Variants in ELP3 observed in about 807,000 individuals in gnomAD.
The protein encoded by ELP3 is elongator acetyltransferase complex subunit 3, also known as elongator complex protein 3.
In ELP3, 56 loss-of-function variants were observed where a neutral mutation model predicts 74.9. The observed-to-expected ratio is 0.75, with a 90% CI of 0.60 to 0.93. The LOEUF is 0.93. Ranked by LOEUF, ELP3 falls within the 40% of genes least tolerant of loss-of-function variation. ELP3 has a pLI of 0.00. For missense variants in ELP3, 573 were observed against 686.5 expected (o/e 0.83, Z 1.85); for synonymous variants, 222 against 239.8 (o/e 0.93, Z 0.68).
At chr8:28,106,645 A>T in intron 3 of ELP3, 68 bp from the exon 4 acceptor site, 1 of 1,351,328 alleles carries the variant, frequency 7.4e-7, no homozygotes, top group Non-Finnish European at 1.0e-6. Flanking sequence ...CTTCCGAGGG[A>T]TAAGCACTCT....
chr8:28,105,688 T>A (rs535625262), intron 3 of ELP3, among the ~76,000 whole-genome samples: 1 of 152,248 alleles, frequency 6.6e-6, no homozygotes. Context: ...AACACTCTGA[T>A]TGGCCACAAT....
chr8:28,115,133 G>A (rs889783668), intron 7 of ELP3, among the ~76,000 whole-genome samples: 3 of 152,128 alleles, frequency 2.0e-5, no homozygotes, highest in African/African-American at 4.8e-5. Context: ...ATCTCAGAGG[G>A]AGAAAATCAA....
chr8:28,141,348 T>G (rs1813230101), intron 10 of ELP3, among the ~76,000 whole-genome samples: 1 of 152,138 alleles, frequency 6.6e-6, no homozygotes, highest in Admixed American at 6.5e-5. Context: ...AAAACAAAAT[T>G]GAGAAACATT....
chr8:28,107,019 C>T (rs1255933832), intron 4 of ELP3, among the ~76,000 whole-genome samples: 1 of 152,186 alleles, frequency 6.6e-6, no homozygotes, highest in East Asian at 1.9e-4. Context: ...GAGGCTGAGG[C>T]AGGTGGATCA....
At chr8:28,164,616 G>A (rs952464589) in intron 14 of ELP3, among the ~76,000 whole-genome samples, 5 of 151,992 alleles carry the variant, frequency 3.3e-5, no homozygotes, top group East Asian at 1.9e-4. Flanking sequence ...AACTACGTAC[G>A]CCTGGACTTT....
rs1814594885 is a variant in ELP3, at chr8:28,173,045, TGAG to T, written c.1567+10971_1567+10973del. 2.0e-5 allele frequency among the ~76,000 whole-genome samples: 3 copies of T among 152,198 alleles called. 1 individual carries two copies. The South Asian group carries it at 6.2e-4, about 32-fold the overall frequency. Reference sequence around the variant, plus strand: ...TAAATTCAGTTTGCTGGTATTTTGTTGAGGAGTTTGGCGTCTGTATTCTTAAGG... The same window carrying T: ...TAAATTCAGTTTGCTGGTATTTTGTTGAGTTTGGCGTCTGTATTCTTAAGG... On this transcript the variant is annotated intron_variant, in intron 14 of 14. Coordinates refer to ENST00000256398, the MANE Select transcript of ELP3 (RefSeq NM_018091.6).
At chr8:28,110,166 G>A (rs1811856807) in intron 5 of ELP3, among the ~76,000 whole-genome samples, 1 of 152,186 alleles carries the variant, frequency 6.6e-6, no homozygotes, top group Admixed American at 6.5e-5. Flanking sequence ...CTGTTGAGGT[G>A]TTTATGACAG....
At chr8:28,135,405 A>G (rs779923947) in intron 9 of ELP3, among the ~76,000 whole-genome samples, 7 of 152,322 alleles carry the variant, frequency 4.6e-5, no homozygotes, top group Non-Finnish European at 8.8e-5. Flanking sequence ...CATTTGATTC[A>G]TCCAGAGATG....
chr8:28,148,276 G>C (rs182806933), intron 10 of ELP3, among the ~76,000 whole-genome samples: 1 of 152,344 alleles, frequency 6.6e-6, no homozygotes, highest in East Asian at 1.9e-4. Context: ...TAGGTTTGAT[G>C]AGGAACAGGG....
At chr8:28,101,026 A>C (rs1308655004) in intron 3 of ELP3, among the ~76,000 whole-genome samples, 8 of 152,236 alleles carry the variant, frequency 5.3e-5, no homozygotes, top group African/African-American at 1.9e-4. Context: ...TGGCTAATTA[A>C]ACCCTAAAAT....
chr8:28,132,979 A>G (rs1462170327), intron 9 of ELP3, among the ~76,000 whole-genome samples: 5 of 152,136 alleles, frequency 3.3e-5, no homozygotes, highest in Non-Finnish European at 7.4e-5. Flanking sequence ...AGGTAGAAAC[A>G]TTTTAAGAAT....
rs1170311465 is a variant in ELP3, at chr8:28,127,840, C to T, written c.618-1662C>T. Among the ~76,000 whole-genome samples the T allele has an allele frequency of 9.9e-5, 15 of 152,154 alleles. 1 individual carries two copies. The South Asian group carries it at 2.3e-3, about 23-fold the overall frequency. On this transcript the variant is annotated intron_variant, in intron 7 of 14. Transcript: ENST00000256398. Reference sequence around the variant, plus strand: ...TGTGGTAATCCTACCTAAAACCTCGCGGAATACAGAAATAAACAATGCAAA... The same window carrying T: ...TGTGGTAATCCTACCTAAAACCTCGTGGAATACAGAAATAAACAATGCAAA...
chr8:28,189,177 G>A (rs189251616), intron 14 of ELP3, among the ~76,000 whole-genome samples: 6 of 152,282 alleles, frequency 3.9e-5, no homozygotes, highest in African/African-American at 1.4e-4. Flanking sequence ...TCGCTACTGG[G>A]GCTGAGTGGA....
At chr8:28,107,657 G>T (rs1337333873) in intron 4 of ELP3, among the ~76,000 whole-genome samples, 1 of 152,116 alleles carries the variant, frequency 6.6e-6, no homozygotes, top group Non-Finnish European at 1.5e-5. Context: ...GCCCCTAAAA[G>T]CTTAAACCTC....
intron 6 of ELP3, 77 bp from the exon 7 acceptor site, chr8:28,112,942 A>G: frequency 7.4e-7 from 1 of 1,349,938 alleles, no homozygotes; most frequent in Admixed American, 2.2e-5. Flanking sequence ...ACACTGCAAA[A>G]TAAGAGATTT....
chr8:28,105,522 G>A (rs1292560609), intron 3 of ELP3, among the ~76,000 whole-genome samples: 1 of 152,206 alleles, frequency 6.6e-6, no homozygotes, highest in Non-Finnish European at 1.5e-5. Context: ...TAAGACCTGG[G>A]TCCTAGGTGT....
intron 10 of ELP3, among the ~76,000 whole-genome samples, chr8:28,138,490 AT>A (rs762147891): frequency 6.6e-6 from 1 of 152,170 alleles, no homozygotes; most frequent in Non-Finnish European, 1.5e-5. Context: ...TCACAGAAAA[AT>A]TTTAGAAGCC....
At chr8:28,133,428 C>CTTTTTTTTTTTT (rs34048650) in intron 9 of ELP3, among the ~76,000 whole-genome samples, 1 of 135,560 alleles carries the variant, frequency 7.4e-6, no homozygotes, top group Non-Finnish European at 1.6e-5. Flanking sequence ...CTTTTTTTTC[C>CTTTTTTTTTTTT]TTTTTTTTTT....
At chr8:28,154,052 A>G (rs1813738793) in intron 10 of ELP3, among the ~76,000 whole-genome samples, 1 of 152,196 alleles carries the variant, frequency 6.6e-6, no homozygotes, top group African/African-American at 2.4e-5. Context: ...ATGTTCCTAA[A>G]TGCAAGAAGG....
Sources: gnomAD v4.1 joint callset for allele counts (sites outside exome capture counted in the v4.1 genomes callset) on GRCh38, gnomAD v4.1.1 for gene constraint, MANE v1.5 for transcripts, NCBI Gene and HGNC (gene_info 2026-07-23, HGNC 2026-07-21) for gene names.